CAMTA1: variants seen among roughly 807,000 people sequenced by gnomAD.
CAMTA1 encodes calmodulin-binding transcription activator 1.
A neutral mutation model predicts 170.9 loss-of-function variants in CAMTA1; 27 were observed. The observed-to-expected ratio is 0.16, with a 90% CI of 0.12 to 0.22. The LOEUF (loss-of-function observed/expected upper bound fraction) is 0.22, where lower values mean the gene tolerates loss of function less well. Among genes scored for constraint, CAMTA1 ranks in the 10% least tolerant of loss-of-function variants. The pLI is 1.00. For synonymous variants in CAMTA1, 833 were observed against 891.5 expected (o/e 0.93, Z 1.17); for missense variants, 1,619 against 2,217.2 (o/e 0.73, Z 5.42).
rs2096771453 is a variant in CAMTA1, at chr1:7,736,228, TTA to T, written c.3067-114_3067-113del. 1.1e-6 allele frequency: 1 copy of T among 883,388 alleles called. No individual in the cohort carries two copies. The highest frequency in any genetic ancestry group is 1.7e-6 in the Non-Finnish European group (1 of 572,502). 54.7% of individuals were successfully genotyped at this position (883,388 alleles called of 1,614,324 possible). On this transcript the variant is annotated intron_variant, in intron 12 of 22. Transcript: ENST00000303635. The surrounding 1 kb of genome is among the most constrained non-coding windows in gnomAD (Gnocchi z 4.5). ...CCAATGTTTCTTTATTTTCAGTGTT[TTA>T]TGTTTTCCGTTGTGAGTTTCTAATC...
intron 3 of CAMTA1, among the ~76,000 whole-genome samples, chr1:6,905,927 T>TGCTGGTTCTGTGCCTGCA (rs1678365082): frequency 6.6e-6 from 1 of 152,186 alleles, no homozygotes; most frequent in Non-Finnish European, 1.5e-5. Flanking sequence ...TGGCTCCTGC[T>TGCTGGTTCTGTGCCTGCA]GCTGGTTCTG....
chr1:7,699,073 A>C (rs974288732), intron 11 of CAMTA1, among the ~76,000 whole-genome samples: 2 of 152,080 alleles, frequency 1.3e-5, no homozygotes, highest in African/African-American at 4.8e-5. Context: ...ATACTTCTTC[A>C]TTCTCTTTCT....
chr1:7,081,154 T>C (rs1211232758), intron 3 of CAMTA1, among the ~76,000 whole-genome samples: 1 of 152,200 alleles, frequency 6.6e-6, no homozygotes, highest in Non-Finnish European at 1.5e-5. Context: ...GGAGGGACTG[T>C]CTCCTGAGGG....
chr1:7,163,579 G>A (rs186027667), intron 4 of CAMTA1, among the ~76,000 whole-genome samples: 228 of 152,278 alleles, frequency 1.5e-3, no homozygotes, highest in Admixed American at 3.6e-3. Context: ...ATTGGTAACA[G>A]GGAACAAGGA....
At chr1:7,747,604 TG>T in intron 18 of CAMTA1, 105 bp from the exon 19 acceptor site, 1 of 634,960 alleles carries the variant, frequency 1.6e-6, no homozygotes. Context: ...TTGGTAAACC[TG>T]GGATCTCAAC....
At chr1:7,074,025 C>T (rs1411541162) in intron 3 of CAMTA1, among the ~76,000 whole-genome samples, 1 of 152,176 alleles carries the variant, frequency 6.6e-6, no homozygotes, top group African/African-American at 2.4e-5. Flanking sequence ...AAAAGGTTTG[C>T]TGGTACTGAC....
At position 6,941,881 on chromosome 1, in the gene CAMTA1, G is replaced by A. The variant is rs575993611; in HGVS notation, c.234+116671G>A. Reference sequence around the variant, plus strand: ...GGCCAGGGCTCTTTTCCATGACTGCGGAAGGAGAGGTGGGAGCCTTGGCTT... The same window carrying A: ...GGCCAGGGCTCTTTTCCATGACTGCAGAAGGAGAGGTGGGAGCCTTGGCTT... On this transcript the variant is annotated intron_variant, in intron 3 of 22. Transcript: ENST00000303635. Among the ~76,000 whole-genome samples, 36 of 152,290 alleles carry A rather than the reference G, an allele frequency of 2.4e-4. 1 individual carries two copies. The highest frequency in any genetic ancestry group is 7.0e-4 in the African/African-American group (29 of 41,576).
intron 22 of CAMTA1, among the ~76,000 whole-genome samples, chr1:7,764,275 T>G (rs2097000259): frequency 6.6e-6 from 1 of 152,240 alleles, no homozygotes; most frequent in African/African-American, 2.4e-5. Flanking sequence ...ATTCTAACTG[T>G]GCCTGTTAAC....
chr1:7,607,198 T>A lies in CAMTA1; in HGVS notation c.511-33202T>A, dbSNP rs374904821. ...ATGGAATGATGAGTGGATGGATGGATGGGTAGGTGGATGGATGGAAGATAG... is the reference window on the plus strand; with the variant it reads ...ATGGAATGATGAGTGGATGGATGGAAGGGTAGGTGGATGGATGGAAGATAG... On this transcript the variant is annotated intron_variant, in intron 6 of 22. Transcript: ENST00000303635. Among the ~76,000 whole-genome samples the A allele has an allele frequency of 1.7e-4, 25 of 147,426 alleles. 1 individual carries two copies. In the South Asian group the frequency reaches 5.4e-3, roughly 32 times the overall value.
At chr1:7,597,937 CTT>C (rs557066791) in intron 6 of CAMTA1, among the ~76,000 whole-genome samples, 19 of 145,640 alleles carry the variant, frequency 1.3e-4, no homozygotes, top group Non-Finnish European at 1.5e-4. Flanking sequence ...CCGTCATCTA[CTT>C]TTTTTTTTTT....
intron 4 of CAMTA1, among the ~76,000 whole-genome samples, chr1:7,124,527 C>T (rs898965694): frequency 2.6e-5 from 4 of 152,344 alleles, no homozygotes; most frequent in South Asian, 2.1e-4. Context: ...GTGCCCTAGA[C>T]GCTTATCCTC....
chr1:7,538,468 T>C (rs1335207133), intron 6 of CAMTA1, among the ~76,000 whole-genome samples: 2 of 152,148 alleles, frequency 1.3e-5, no homozygotes, highest in African/African-American at 4.8e-5. Context: ...CTGGGTAACA[T>C]AGGAGACTTC....
intron 6 of CAMTA1, among the ~76,000 whole-genome samples, chr1:7,542,838 A>AGTGTGTGTGTGTGT (rs373719721): frequency 1.8e-5 from 1 of 56,002 alleles, no homozygotes; most frequent in African/African-American, 6.9e-5. Context: ...CCTAAAACAC[A>AGTGTGTGTGTGTGT]GTGTGTGTGT....
intron 6 of CAMTA1, among the ~76,000 whole-genome samples, chr1:7,471,396 G>A (rs2093327608): frequency 6.6e-6 from 1 of 152,250 alleles, no homozygotes; most frequent in African/African-American, 2.4e-5. Flanking sequence ...GACAGCTGGG[G>A]AGGGACCAGA....
chr1:7,709,498 A>G (rs1234107379), intron 11 of CAMTA1, among the ~76,000 whole-genome samples: 3 of 152,236 alleles, frequency 2.0e-5, no homozygotes, highest in East Asian at 1.9e-4. Context: ...TCGAAAATCA[A>G]TCTATGTGGA....
At chr1:7,493,068 CACACAG>C (rs1201712342) in intron 6 of CAMTA1, among the ~76,000 whole-genome samples, 6 of 119,542 alleles carry the variant, frequency 5.0e-5, no homozygotes, top group South Asian at 2.7e-4. Flanking sequence ...CGCGCGCACA[CACACAG>C]ACATACAAAC....
intron 2 of CAMTA1, among the ~76,000 whole-genome samples, chr1:6,823,162 A>C (rs1646713713): frequency 6.6e-6 from 1 of 152,150 alleles, no homozygotes. Context: ...GGATTTTAAA[A>C]AATGGAAATA....
chr1:7,498,751 C>G (rs1318936111), intron 6 of CAMTA1, among the ~76,000 whole-genome samples: 1 of 151,382 alleles, frequency 6.6e-6, no homozygotes, highest in Non-Finnish European at 1.5e-5. Context: ...GATGAGTGTG[C>G]AGAGGATTGT....
intron 5 of CAMTA1, among the ~76,000 whole-genome samples, chr1:7,421,820 G>T (rs2091576423): frequency 3.6e-5 from 1 of 28,100 alleles, no homozygotes; most frequent in Non-Finnish European, 6.4e-5. Flanking sequence ...AACAGACAGA[G>T]GGGACCATAC....
Sources: gnomAD v4.1 joint callset for allele counts (sites outside exome capture counted in the v4.1 genomes callset) on GRCh38, gnomAD v4.1.1 for gene constraint, Gnocchi (gnomAD v3.1) non-coding constraint, MANE v1.5 for transcripts, NCBI Gene and HGNC (gene_info 2026-07-23, HGNC 2026-07-21) for gene names.